MYO7B: variants seen among roughly 807,000 people sequenced by gnomAD.
MYO7B encodes the protein myosin VIIB.
Under a neutral mutation model 259.7 loss-of-function variants are expected in MYO7B, and 212 were observed. That is an observed-to-expected ratio of 0.82 (90% confidence interval 0.73 to 0.91). The LOEUF (loss-of-function observed/expected upper bound fraction) is 0.91, where lower values mean the gene tolerates loss of function less well. MYO7B is among the 40% of genes least tolerant of loss of function. The pLI is 0.00. For missense variants in MYO7B, 2,732 were observed against 2,813.5 expected, an observed-to-expected ratio of 0.97 and a Z score of 0.66; for synonymous variants, 1,197 against 1,166.4, an observed-to-expected ratio of 1.03 and a Z score of -0.54.
Position 127,576,990 on chromosome 2 carries a change from C to T in MYO7B, c.849+282C>T, listed in dbSNP as rs767837297. 1.3e-5 allele frequency among the ~76,000 whole-genome samples: 2 copies of T among 152,102 alleles called. No individual in the cohort carries two copies. Among genetic ancestry groups the T allele is most frequent in the East Asian group, 1.9e-4 (1 of 5,184 alleles). On this transcript the variant is annotated intron_variant, in intron 8 of 47. Transcript: ENST00000409816. The surrounding 1 kb of genome is among the most constrained non-coding windows in gnomAD (Gnocchi z 4.9). ...TGGTCCCCACTGGATGACAGGCTCC[C>T]GGTGCCCAGTGGGCCACAGGGAGTT... is the stretch of plus-strand genomic sequence containing the variant.
rs758851846 is a variant in MYO7B at position 127,573,908 on chromosome 2, G to A, written c.593-12G>A. On this transcript the variant is annotated splice_polypyrimidine_tract_variant and intron_variant, in intron 6 of 47. Transcript: ENST00000409816. ...TCTGCTCCCATCATGGGCATCGCCC[G>A]CTTACCTTCAGCCTTTGGAAATGCC... The A allele has an allele frequency of 4.1e-5, 66 of 1,613,780 alleles. No individual in the cohort carries two copies. The highest frequency in any genetic ancestry group is 6.7e-5 in the African/African-American group (5 of 74,936).
In MYO7B at chr2:127,605,931, G is replaced by A. The variant is rs768168362; in HGVS notation, c.2424+3G>A. 6.3e-7 allele frequency: 1 copy of A among 1,593,588 alleles called. No homozygotes were observed. Among genetic ancestry groups the A allele is most frequent in the South Asian group, 1.1e-5 (1 of 89,832 alleles). ...GCAACAGGAGGAATTTCAAGCTGGTGAGAGAGCTCTCTGGGGCGGCTGGGC... is the reference window on the plus strand; with the variant it reads ...GCAACAGGAGGAATTTCAAGCTGGTAAGAGAGCTCTCTGGGGCGGCTGGGC... On this transcript the variant is annotated splice_donor_region_variant and intron_variant, in intron 20 of 47. Transcript: ENST00000409816.
chr2:127,627,136 C>T lies in MYO7B; in HGVS notation c.4333+44C>T, dbSNP rs1681174458. On this transcript the variant is annotated intron_variant, in intron 32 of 47. Coordinates refer to ENST00000409816, the MANE Select transcript of MYO7B (RefSeq NM_001393586.1). The surrounding 1 kb of genome is among the most constrained non-coding windows in gnomAD (Gnocchi z 5.6). ...GGGCAGGGAGCAGGTATGGGCTGGG[C>T]ACCCAGGGGTCCCATGCAGCCTTCA... 1 of 1,603,914 alleles carries T rather than the reference C, an allele frequency of 6.2e-7. No homozygotes were observed. Among genetic ancestry groups the T allele is most frequent in the Non-Finnish European group, 8.5e-7 (1 of 1,175,568 alleles).
At chr2:127,593,451 G>C in intron 17 of MYO7B, 95 bp from the exon 18 acceptor site, 2 of 1,228,730 alleles carry the variant, frequency 1.6e-6, no homozygotes, top group Non-Finnish European at 2.3e-6. Context: ...CCTGATGGGG[G>C]AGCCTGTGGG....
Position 127,613,703 on chromosome 2 carries a change from CT to C in MYO7B, c.3398+1101del, listed in dbSNP as rs1157405876. 6.6e-6 allele frequency among the ~76,000 whole-genome samples: 1 copy of C among 152,160 alleles called. No individual in the cohort carries two copies. Among genetic ancestry groups the C allele is most frequent in the African/African-American group, 2.4e-5 (1 of 41,420 alleles). ...GATGATACGTTAGAGACTCTGGATT[CT>C]GTTATACTCTTTCAAAGAGCATTGA... On this transcript the variant is annotated intron_variant, in intron 26 of 47. Transcript: ENST00000409816. The surrounding 1 kb of genome is among the most constrained non-coding windows in gnomAD (Gnocchi z 4.3).
intron 19 of MYO7B, among the ~76,000 whole-genome samples, chr2:127,605,500 G>A (rs1371088225): frequency 6.6e-6 from 1 of 152,200 alleles, no homozygotes; most frequent in Non-Finnish European, 1.5e-5. Context: ...GGAGGTTGAA[G>A]CAGGAGAATT....
At chr2:127,580,026 G>A (rs747412488) in intron 9 of MYO7B, among the ~76,000 whole-genome samples, 25 of 152,232 alleles carry the variant, frequency 1.6e-4, no homozygotes, top group South Asian at 2.1e-4. Flanking sequence ...CAAGGACCTC[G>A]GAGGGCTGTG....
chr2:127,590,196 C>A lies in MYO7B; in HGVS notation c.1959C>A (p.Arg653=). ...CCAACTGCCAGCCTTACTTCATCCG[C>A]TGCATCAAACCTAATGAGTACAAGA... The part of the protein sequence containing the change: ...ILTNCQPYFI[R]CIKPNEYKKP... Residue 653 remains arginine (R), a synonymous_variant, in exon 16 of 48, where the codon CGC becomes CGA. Coordinates refer to ENST00000409816, the MANE Select transcript of MYO7B (RefSeq NM_001393586.1). The surrounding 1 kb of genome is among the most constrained non-coding windows in gnomAD (Gnocchi z 4.6). 6.2e-7 allele frequency: 1 copy of A among 1,612,968 alleles called. No individual in the cohort carries two copies. Among genetic ancestry groups the A allele is most frequent in the Non-Finnish European group, 8.5e-7 (1 of 1,179,778 alleles).
chr2:127,573,157 A>G (rs576470709), intron 6 of MYO7B, among the ~76,000 whole-genome samples: 1 of 152,276 alleles, frequency 6.6e-6, no homozygotes, highest in Non-Finnish European at 1.5e-5. Context: ...TCATGGGACT[A>G]TGCTGGATGC....
chr2:127,549,138 TTTC>T (rs1449899499), intron 1 of MYO7B, among the ~76,000 whole-genome samples: 7 of 139,486 alleles, frequency 5.0e-5, no homozygotes, highest in South Asian at 2.4e-4. Context: ...TCTCTCTTTC[TTTC>T]TTCTTTCTTC....
Position 127,584,460 on chromosome 2 carries a change from A to G in MYO7B, c.1554+128A>G. ...ACTAAAACCTCTGCCAGGAATAAGC[A>G]GAAGAGCCTCAGTCTAACCAGACAG... On this transcript the variant is annotated intron_variant, in intron 13 of 47. Transcript: ENST00000409816. This position sits in a 1 kb window ranked among gnomAD's most constrained non-coding sequence, Gnocchi z 5.8. 3 of 1,043,860 alleles carry G rather than the reference A, an allele frequency of 2.9e-6. No individual in the cohort carries two copies. Among genetic ancestry groups the G allele is most frequent in the Non-Finnish European group, 4.2e-6 (3 of 722,710 alleles). 64.7% of individuals were successfully genotyped at this position (1,043,860 alleles called of 1,614,324 possible).
rs376534893 is a variant in MYO7B, at chr2:127,609,206, T to C, written c.2815-300T>C. 1.1e-4 allele frequency among the ~76,000 whole-genome samples: 16 copies of C among 152,088 alleles called. No homozygotes were observed. In the East Asian group the frequency reaches 2.9e-3, roughly 28 times the overall value. On this transcript the variant is annotated intron_variant, in intron 22 of 47. Coordinates refer to ENST00000409816, the MANE Select transcript of MYO7B (RefSeq NM_001393586.1). This position sits in a 1 kb window ranked among gnomAD's most constrained non-coding sequence, Gnocchi z 6.9. ...CCTTTGAGGCCGCTGCTCTGCAGTG[T>C]GGCTGAGGAAGCTGCAGTGAGGATG...
chr2:127,583,891 G>A (rs1018692651), intron 12 of MYO7B, among the ~76,000 whole-genome samples: 11 of 152,222 alleles, frequency 7.2e-5, no homozygotes, highest in African/African-American at 2.2e-4. Context: ...GAGCCTCCTC[G>A]TTTCTTTGTC....
Position 127,635,859 on chromosome 2 carries a change from G to A in MYO7B, c.5958G>A (p.Leu1986=). The A allele has an allele frequency of 1.3e-6, 2 of 1,583,572 alleles. No individual in the cohort carries two copies. Residue 1986 remains leucine (L), a synonymous_variant, in exon 44 of 48, where the codon CTG becomes CTA. Transcript: ENST00000409816. The stretch of plus-strand genomic sequence containing the variant: ...GTGTCCCCAAGATCCTGAGGGAACT[G>A]GTGCCTGAGAACCTCACACGCCTGA... ...LASVPKILRE[L]VPENLTRLMS... is the part of the protein sequence containing the mutation.
In MYO7B at chr2:127,634,654, G is replaced by A. The variant is rs1681700801; in HGVS notation, c.5684G>A (p.Trp1895Ter). 1 of 1,611,544 alleles carries A rather than the reference G, an allele frequency of 6.2e-7. No homozygotes were observed. The highest frequency in any genetic ancestry group is 8.5e-7 in the Non-Finnish European group (1 of 1,179,492). ...GATTCCTTGAGGGAGGTGTCTGACT[G>A]GGTGAAGAAGAACAAGCCCCAGAAA... The part of the protein sequence containing the change: ...FFDSLREVSD[W>*]VKKNKPQKEG... Residue 1895 changes from tryptophan (W) to a stop codon, truncating the protein, a stop_gained, in exon 42 of 48, where the codon TGG becomes TAG. Transcript: ENST00000409816. LOFTEE classifies it high-confidence loss of function.
intron 9 of MYO7B, among the ~76,000 whole-genome samples, chr2:127,579,636 A>C (rs1433283566): frequency 1.3e-5 from 2 of 152,144 alleles, no homozygotes; most frequent in Non-Finnish European, 2.9e-5. Flanking sequence ...TCCAGGCTGG[A>C]GTGCAGTGGT....
chr2:127,560,601 G>C (rs1247789432), intron 2 of MYO7B, among the ~76,000 whole-genome samples: 1 of 152,166 alleles, frequency 6.6e-6, no homozygotes, highest in Non-Finnish European at 1.5e-5. Flanking sequence ...CAGGCCTTGA[G>C]AAGCCTGGCG....
rs188403002 is a variant in MYO7B at position 127,585,816 on chromosome 2, G to A, written c.1690+903G>A. 1.1e-3 allele frequency among the ~76,000 whole-genome samples: 174 copies of A among 152,280 alleles called. No homozygotes were observed. Among genetic ancestry groups the A allele is most frequent in the Admixed American group, 4.3e-3 (66 of 15,288 alleles). On this transcript the variant is annotated intron_variant, in intron 14 of 47. Coordinates refer to ENST00000409816, the MANE Select transcript of MYO7B (RefSeq NM_001393586.1). This position sits in a 1 kb window ranked among gnomAD's most constrained non-coding sequence, Gnocchi z 4.3. ...AATGTGATTTGCATCTGCATCCCCC[G>A]ATGGCTAATGATGTTGATCGCCTTT...
In MYO7B at chr2:127,586,285, G is replaced by C. The variant is rs1049525787; in HGVS notation, c.1690+1372G>C. ...ACTGAAGAAGTGAAGGCCTGGGGTG[G>C]TCACCCTATGGGTGTGCCAAGAAAA... On this transcript the variant is annotated intron_variant, in intron 14 of 47. Coordinates refer to ENST00000409816, the MANE Select transcript of MYO7B (RefSeq NM_001393586.1). This position sits in a 1 kb window ranked among gnomAD's most constrained non-coding sequence, Gnocchi z 4.8. Among the ~76,000 whole-genome samples, 7 of 152,202 alleles carry C rather than the reference G, an allele frequency of 4.6e-5. No homozygotes were observed. Among genetic ancestry groups the C allele is most frequent in the Admixed American group, 6.5e-5 (1 of 15,282 alleles).
Sources: gnomAD v4.1 joint callset for allele counts (sites outside exome capture counted in the v4.1 genomes callset) on GRCh38, gnomAD v4.1.1 for gene constraint, Gnocchi (gnomAD v3.1) non-coding constraint, MANE v1.5 for transcripts, NCBI Gene and HGNC (gene_info 2026-07-23, HGNC 2026-07-21) for gene names.